DAB1: variants seen among roughly 807,000 people sequenced by gnomAD.
DAB1 encodes disabled homolog 1.
Under a neutral mutation model 64.6 loss-of-function variants are expected in DAB1, and 15 were observed. The observed-to-expected ratio is 0.23, with a 90% CI of 0.16 to 0.36. The LOEUF (loss-of-function observed/expected upper bound fraction) is 0.36, where lower values mean the gene tolerates loss of function less well. Among genes scored for constraint, DAB1 ranks in the 10% least tolerant of loss-of-function variants. The pLI, the probability that DAB1 is intolerant of heterozygous loss-of-function variation, is 1.00. For synonymous variants in DAB1, 235 were observed against 251.9 expected, an observed-to-expected ratio of 0.93 and a Z score of 0.64; for missense variants, 596 against 706.7, an observed-to-expected ratio of 0.84 and a Z score of 1.78.
intron 6 of DAB1, among the ~76,000 whole-genome samples, chr1:57,799,856 T>C (rs949756332): frequency 2.6e-5 from 4 of 152,162 alleles, no homozygotes; most frequent in Admixed American, 6.5e-5. Flanking sequence ...GTGCTTACTG[T>C]ATGTAGCTGC....
chr1:57,225,687 G>T (rs1313911771), intron 2 of DAB1, among the ~76,000 whole-genome samples: 1 of 152,178 alleles, frequency 6.6e-6, no homozygotes, highest in African/African-American at 2.4e-5. Context: ...CAGAGTGATA[G>T]AGATACATTC....
chr1:58,198,390 G>A (rs1011342555), intron 4 of DAB1, among the ~76,000 whole-genome samples: 12 of 152,336 alleles, frequency 7.9e-5, no homozygotes, highest in African/African-American at 2.6e-4. Context: ...GGCTGGGACA[G>A]GTAGCAGATA....
At chr1:57,838,559 G>A (rs957509321) in intron 1 of DAB1, among the ~76,000 whole-genome samples, 2 of 152,072 alleles carry the variant, frequency 1.3e-5, no homozygotes, top group African/African-American at 4.8e-5. Flanking sequence ...CCCATAATGG[G>A]TTCATAAAAG....
chr1:57,683,535 T>C (rs1035920364), intron 6 of DAB1, among the ~76,000 whole-genome samples: 14 of 152,186 alleles, frequency 9.2e-5, no homozygotes, highest in African/African-American at 3.4e-4. Flanking sequence ...AAAATATATA[T>C]CCTTGTGAAA....
intron 1 of DAB1, among the ~76,000 whole-genome samples, chr1:57,336,308 T>C (rs1361650639): frequency 6.6e-6 from 1 of 152,132 alleles, no homozygotes; most frequent in African/African-American, 2.4e-5. Flanking sequence ...AAAATGACAC[T>C]CTGATTGCAT....
At chr1:58,539,286 G>A in intron 1 of DAB1, 2 of 830,370 alleles carry the variant, frequency 2.4e-6, no homozygotes, top group South Asian at 1.4e-5. Flanking sequence ...ATCCACAGAT[G>A]AAGCTCATTT....
At chr1:58,539,449 C>A (rs1308107117) in intron 1 of DAB1, 6 of 590,120 alleles carry the variant, frequency 1.0e-5, no homozygotes, top group African/African-American at 1.9e-5. Flanking sequence ...CAACTCATCA[C>A]CCCTAGAGCA....
chr1:57,050,123 T>G (rs1470404856), intron 9 of DAB1, among the ~76,000 whole-genome samples: 1 of 152,174 alleles, frequency 6.6e-6, no homozygotes, highest in African/African-American at 2.4e-5. Context: ...TGTCCCTTGT[T>G]TGGTTTTTCC....
chr1:58,217,151 T>C (rs1658899566), intron 4 of DAB1, among the ~76,000 whole-genome samples: 1 of 152,204 alleles, frequency 6.6e-6, no homozygotes, highest in Non-Finnish European at 1.5e-5. Context: ...ATTCCCCAAA[T>C]AGCCCCAGGT....
At chr1:58,400,033 A>C (rs1295095662) in intron 3 of DAB1, among the ~76,000 whole-genome samples, 1 of 152,106 alleles carries the variant, frequency 6.6e-6, no homozygotes, top group Non-Finnish European at 1.5e-5. Context: ...TGAATTTCTC[A>C]TAAGAATACA....
At chr1:57,979,903 A>C (rs987423238) in intron 5 of DAB1, among the ~76,000 whole-genome samples, 2 of 152,144 alleles carry the variant, frequency 1.3e-5, no homozygotes, top group African/African-American at 4.8e-5. Flanking sequence ...AAATTTACAC[A>C]CTTCTATTAT....
At chr1:58,035,400 C>A (rs530746298) in intron 5 of DAB1, among the ~76,000 whole-genome samples, 1 of 152,206 alleles carries the variant, frequency 6.6e-6, no homozygotes, top group African/African-American at 2.4e-5. Flanking sequence ...CAGCAATGGA[C>A]GACCAAACTC....
intron 7 of DAB1, among the ~76,000 whole-genome samples, chr1:57,613,450 A>G (rs939192647): frequency 2.0e-5 from 3 of 152,152 alleles, no homozygotes; most frequent in Non-Finnish European, 4.4e-5. Flanking sequence ...CACCCCATGT[A>G]TAAAAGCTGT....
At chr1:57,723,772 T>C (rs1247588408) in intron 6 of DAB1, among the ~76,000 whole-genome samples, 1 of 152,226 alleles carries the variant, frequency 6.6e-6, no homozygotes, top group Non-Finnish European at 1.5e-5. Context: ...TGGCTTTTTT[T>C]TGTTTCTACT....
chr1:57,079,413 A>T (rs190998718), intron 4 of DAB1, among the ~76,000 whole-genome samples: 94 of 152,200 alleles, frequency 6.2e-4, no homozygotes, highest in Non-Finnish European at 1.6e-4. Flanking sequence ...GCCAGGTCAC[A>T]CAGCTATCAT....
At chr1:57,294,002 T>TATTCTC (rs1348701266) in intron 1 of DAB1, among the ~76,000 whole-genome samples, 1 of 152,188 alleles carries the variant, frequency 6.6e-6, no homozygotes, top group Non-Finnish European at 1.5e-5. Context: ...ATAAGGAAGC[T>TATTCTC]ACAGTACTGT....
intron 5 of DAB1, among the ~76,000 whole-genome samples, chr1:58,086,089 A>G (rs1003627826): frequency 6.8e-6 from 1 of 146,502 alleles, no homozygotes; most frequent in Non-Finnish European, 1.5e-5. Context: ...TCAGCCTCCC[A>G]AGTAGCTGGG....
chr1:58,369,381 T>C (rs1644245397), intron 3 of DAB1, among the ~76,000 whole-genome samples: 1 of 152,226 alleles, frequency 6.6e-6, no homozygotes, highest in South Asian at 2.1e-4. Context: ...TTACACATAT[T>C]TTAACATTTC....
At chr1:57,563,341 A>C (rs930154608) in intron 7 of DAB1, among the ~76,000 whole-genome samples, 2 of 152,342 alleles carry the variant, frequency 1.3e-5, no homozygotes, top group Admixed American at 1.3e-4. Context: ...GAACAGCGCC[A>C]GTCTACAGCT....
Sources: allele counts gnomAD v4.1 joint callset (sites outside exome capture counted in the v4.1 genomes callset), GRCh38; gene constraint gnomAD v4.1.1; transcripts MANE v1.5; gene names NCBI Gene and HGNC (gene_info 2026-07-23, HGNC 2026-07-21).